The following TRHDE variants were observed in gnomAD, a reference collection of about 807,000 sequenced individuals.
The protein encoded by TRHDE is thyrotropin-releasing hormone-degrading ectoenzyme.
TRHDE carries 72 observed loss-of-function variants against 125.7 expected under a neutral mutation model. The observed-to-expected ratio is 0.57, with a 90% CI of 0.47 to 0.70. TRHDE has a LOEUF of 0.70. Ranked by LOEUF, TRHDE falls within the 30% of genes least tolerant of loss-of-function variation. TRHDE has a pLI of 0.00. For synonymous variants in TRHDE, 509 were observed against 509.1 expected (o/e 1.00, Z 0.00); for missense variants, 1,110 against 1,327.1 (o/e 0.84, Z 2.54).
chr12:72,124,483 G>A (rs1300915833), intron 2 of TRHDE, among the ~76,000 whole-genome samples: 1 of 152,134 alleles, frequency 6.6e-6, no homozygotes, highest in East Asian at 1.9e-4. Context: ...CTGGGTATAT[G>A]TTTGTGGGAT....
intron 6 of TRHDE, among the ~76,000 whole-genome samples, chr12:72,512,393 AT>A (rs1422185974): frequency 2.8e-5 from 4 of 140,782 alleles, no homozygotes; most frequent in Non-Finnish European, 6.1e-5. Context: ...ATAATATATA[AT>A]TATTATTATA....
At chr12:72,139,430 A>G (rs1309088781) in intron 2 of TRHDE, among the ~76,000 whole-genome samples, 1 of 152,222 alleles carries the variant, frequency 6.6e-6, no homozygotes, top group Non-Finnish European at 1.5e-5. Flanking sequence ...ATATCAAAGT[A>G]TATGTTTTAT....
At chr12:72,443,532 C>T (rs1875126020) in intron 3 of TRHDE, among the ~76,000 whole-genome samples, 1 of 151,410 alleles carries the variant, frequency 6.6e-6, no homozygotes, top group Non-Finnish European at 1.5e-5. Flanking sequence ...ATAAACATAA[C>T]AATGGTAATG....
chr12:72,101,604 A>T (rs1294536945), intron 1 of TRHDE, among the ~76,000 whole-genome samples: 1 of 152,218 alleles, frequency 6.6e-6, no homozygotes, highest in Admixed American at 6.5e-5. Flanking sequence ...TGTAAATACA[A>T]TATAGATTTT....
intron 2 of TRHDE, among the ~76,000 whole-genome samples, chr12:72,295,980 C>A (rs1038762867): frequency 1.3e-5 from 2 of 152,176 alleles, no homozygotes; most frequent in Admixed American, 1.3e-4. Context: ...TAGTCATCCT[C>A]CTCCTCTCTA....
intron 6 of TRHDE, among the ~76,000 whole-genome samples, chr12:72,530,196 A>G (rs185749768): frequency 6.6e-5 from 10 of 151,866 alleles, no homozygotes; most frequent in African/African-American, 2.4e-4. Context: ...ATATCTTTAC[A>G]CTCTTAGAGC....
At chr12:72,461,370 G>C (rs563531451) in intron 3 of TRHDE, among the ~76,000 whole-genome samples, 1 of 152,262 alleles carries the variant, frequency 6.6e-6, no homozygotes, top group Non-Finnish European at 1.5e-5. Context: ...TGGTTTATGA[G>C]TAAAAATCTT....
chr12:72,321,296 G>A (rs543128167), intron 2 of TRHDE, among the ~76,000 whole-genome samples: 173 of 152,260 alleles, frequency 1.1e-3, no homozygotes, highest in Middle Eastern at 3.4e-3. Context: ...GCCAGCTGAT[G>A]GCTTCTAGGA....
chr12:72,295,301 C>T (rs562860117), intron 2 of TRHDE, among the ~76,000 whole-genome samples: 3 of 152,156 alleles, frequency 2.0e-5, no homozygotes, highest in East Asian at 3.9e-4. Context: ...CCCTGGCTCT[C>T]GCGGGCTCCA....
At chr12:72,158,775 T>C (rs1876573455) in intron 2 of TRHDE, among the ~76,000 whole-genome samples, 1 of 152,234 alleles carries the variant, frequency 6.6e-6, no homozygotes, top group African/African-American at 2.4e-5. Context: ...TGCAAATTCC[T>C]GATGGCTTAT....
In TRHDE at chr12:72,273,318, A is replaced by G. The variant is rs764880977; in HGVS notation, c.675A>G (p.Val225=). 7 of 1,613,912 alleles carry G rather than the reference A, an allele frequency of 4.3e-6. No homozygotes were observed. Among genetic ancestry groups the G allele is most frequent in the Non-Finnish European group, 5.9e-6 (7 of 1,179,992 alleles). The change falls in exon 1 of 19, where the codon GTA becomes GTG. Residue 225 remains valine (V), a synonymous_variant. Coordinates refer to ENST00000261180, the MANE Select transcript of TRHDE (RefSeq NM_013381.3). This position sits in a 1 kb window ranked among gnomAD's most constrained non-coding sequence, Gnocchi z 5.3. Reference sequence around the variant, plus strand: ...CGTGCCGGAACGCCACCCGCTACGTAGTGCTGCACGCTTCCCGAGTGGCGG... The same window carrying G: ...CGTGCCGGAACGCCACCCGCTACGTGGTGCTGCACGCTTCCCGAGTGGCGG... ...EIACRNATRY[V]VLHASRVAVE...
At chr12:72,337,592 G>T (rs1869885630) in intron 2 of TRHDE, among the ~76,000 whole-genome samples, 1 of 151,974 alleles carries the variant, frequency 6.6e-6, no homozygotes, top group Non-Finnish European at 1.5e-5. Flanking sequence ...TATAAATTTA[G>T]TTTCCCTGAG....
intron 12 of TRHDE, among the ~76,000 whole-genome samples, chr12:72,595,775 A>G (rs772864020): frequency 9.2e-5 from 14 of 152,270 alleles, no homozygotes; most frequent in Non-Finnish European, 1.9e-4. Flanking sequence ...TTTATTTTGA[A>G]CATTAAATAA....
upstream of TRHDE, among the ~76,000 whole-genome samples, chr12:72,268,479 CAT>C (rs1346656793): frequency 6.6e-6 from 1 of 152,000 alleles, no homozygotes; most frequent in African/African-American, 2.4e-5. Flanking sequence ...TTTACACTAA[CAT>C]ATTGAGAAAT....
intron 2 of TRHDE, among the ~76,000 whole-genome samples, chr12:72,237,599 G>A (rs559262940): frequency 1.3e-5 from 2 of 152,094 alleles, no homozygotes; most frequent in Non-Finnish European, 2.9e-5. Flanking sequence ...GAGTTCTCAC[G>A]AGATCTGATG....
chr12:72,338,439 A>G (rs921474862), intron 2 of TRHDE, among the ~76,000 whole-genome samples: 2 of 152,214 alleles, frequency 1.3e-5, no homozygotes, highest in African/African-American at 4.8e-5. Context: ...ACGTGGGATC[A>G]TTGATGGCAG....
At chr12:72,248,055 G>GTATGTGTGTATATGTGTGTA (rs1238212772) in intron 2 of TRHDE, among the ~76,000 whole-genome samples, 1 of 152,122 alleles carries the variant, frequency 6.6e-6, no homozygotes, top group African/African-American at 2.4e-5. Flanking sequence ...ATGTATGCAT[G>GTATGTGTGTATATGTGTGTA]CATGTGTGTA....
intron 3 of TRHDE, among the ~76,000 whole-genome samples, chr12:72,400,707 C>T (rs551833069): frequency 1.3e-5 from 2 of 152,124 alleles, no homozygotes; most frequent in South Asian, 4.1e-4. Flanking sequence ...ATTGTTAAAC[C>T]ACATATTTTA....
intron 2 of TRHDE, 146 bp downstream of exon 2, chr12:72,287,100 C>A: frequency 1.1e-6 from 1 of 908,326 alleles, no homozygotes; most frequent in Non-Finnish European, 1.6e-6. Flanking sequence ...GGGGTTTTTA[C>A]ATATTTTACT....
Sources: allele counts gnomAD v4.1 joint callset (sites outside exome capture counted in the v4.1 genomes callset), GRCh38; gene constraint gnomAD v4.1.1; non-coding constraint Gnocchi (gnomAD v3.1); transcripts MANE v1.5; gene names NCBI Gene and HGNC (gene_info 2026-07-23, HGNC 2026-07-21).